MAGEB16: variants seen among roughly 807,000 people sequenced by gnomAD.
MAGEB16 encodes MAGE family member B16.
For missense variants in MAGEB16, 217 were observed against 234.0 expected, an observed-to-expected ratio of 0.93 and a Z score of 0.47; for synonymous variants, 95 against 92.1, an observed-to-expected ratio of 1.03 and a Z score of -0.18.
At chrX:35,800,612 T>C (rs1218772989) in intron 1 of MAGEB16, 1 of 524,749 alleles carries the variant, frequency 1.9e-6, no homozygotes, top group South Asian at 2.5e-5. Flanking sequence ...CCATCCCAGA[T>C]AATGAGGACA....
rs781434463 is a variant in MAGEB16, at chrX:35,802,361, T to C, written c.165T>C (p.Ala55=). Residue 55 remains alanine (A), a synonymous_variant, in exon 2 of 2, where the codon GCT becomes GCC. Transcript: ENST00000399988. ...CTGGCAAACTGAAGGAAGCTCCTGC[T>C]GCTAAGGCAGAGAGTCCTCTTGAGG... 3.3e-6 allele frequency: 4 copies of C among 1,209,235 alleles called. No individual in the cohort carries two copies. In the South Asian group the frequency reaches 5.3e-5, roughly 16 times the overall value.
exon 2 of MAGEB16, chrX:35,803,396 A>G (rs1934884990): frequency 1.5e-5 from 5 of 327,118 alleles, no homozygotes; most frequent in Non-Finnish European, 2.7e-5. Context: ...TTTATTTTTT[A>G]ATGGCTATAT....
exon 2 of MAGEB16, chrX:35,803,020 T>G: frequency 8.3e-7 from 1 of 1,211,898 alleles, no homozygotes; most frequent in Non-Finnish European, 1.1e-6. Context: ...CGATATGAAT[T>G]CCTGTGGGGC....
At chrX:35,802,579 G>C (rs1410962) in exon 2 of MAGEB16, 1 of 1,207,904 alleles carries the variant, frequency 8.3e-7, no homozygotes, top group African/African-American at 1.8e-5. Flanking sequence ...CTGCACAAGT[G>C]TCAGATGAAA....
exon 2 of MAGEB16, chrX:35,802,979 G>C (rs1204721716): frequency 8.3e-7 from 1 of 1,211,805 alleles, no homozygotes; most frequent in Non-Finnish European, 1.1e-6. Context: ...AGTACCTGGA[G>C]TACCAGCAGG....
chrX:35,802,783 G>A, exon 2 of MAGEB16: 1 of 1,211,494 alleles, frequency 8.3e-7, no homozygotes, highest in Non-Finnish European at 1.1e-6. Flanking sequence ...ATGCTGAGTG[G>A]TGAAAAGGGT....
At chrX:35,803,305 A>C in exon 2 of MAGEB16, 1 of 671,154 alleles carries the variant, frequency 1.5e-6, no homozygotes, top group South Asian at 4.5e-5. Context: ...TCAAGGATGC[A>C]GGTCCAGGGT....
In MAGEB16 at chrX:35,802,132, C is replaced by G. The variant is rs760913314; in HGVS notation, c.-65C>G. ...TTACACCCTTTCTCTCTCCCTTAGG[C>G]AGTGATTCTTCATTGCCTGCCCTCC... is the stretch of plus-strand genomic sequence containing the variant. On this transcript the variant is annotated splice_region_variant and 5_prime_UTR_variant, in exon 2 of 2. Transcript: ENST00000399988. 1.3e-5 allele frequency: 15 copies of G among 1,181,695 alleles called. No homozygotes were observed. The Admixed American group carries it at 3.4e-4, about 26-fold the overall frequency.
chrX:35,803,389 AT>A (rs60551936), exon 2 of MAGEB16: 7 of 333,030 alleles, frequency 2.1e-5, no homozygotes, highest in Non-Finnish European at 3.8e-5. Context: ...TTATTCTTTT[AT>A]TTTTTAATGG....
At chrX:35,802,725 A>G in exon 2 of MAGEB16, 2 of 1,210,925 alleles carry the variant, frequency 1.7e-6, no homozygotes, top group Non-Finnish European at 2.2e-6. Flanking sequence ...GGACCCCACC[A>G]CCCATTGCTA....
chrX:35,802,186 C>T (rs1309488547), exon 2 of MAGEB16: 2 of 1,209,065 alleles, frequency 1.7e-6, no homozygotes, highest in East Asian at 5.9e-5. Context: ...CTGCCACCCA[C>T]AAGGGTCATC....
intron 1 of MAGEB16, chrX:35,798,781 G>A (rs1280640057): frequency 9.0e-6 from 1 of 111,707 alleles, no homozygotes; most frequent in Non-Finnish European, 1.9e-5. Context: ...TCTGAAGGAG[G>A]TGAAGCTTTA....
intron 1 of MAGEB16, chrX:35,798,771 T>G (rs1312868652): frequency 9.0e-6 from 1 of 111,027 alleles, no homozygotes; most frequent in Non-Finnish European, 1.9e-5. Flanking sequence ...GCCTGCGGAG[T>G]CTGAAGGAGG....
intron 1 of MAGEB16, among the ~76,000 whole-genome samples, chrX:35,800,124 C>T (rs987356913): frequency 1.9e-4 from 21 of 111,037 alleles, no homozygotes; most frequent in Non-Finnish European, 3.6e-4. Context: ...TTGGTAGTCA[C>T]TGAGGGGTGA....
exon 2 of MAGEB16, chrX:35,802,677 C>T (rs771540022): frequency 3.3e-5 from 40 of 1,209,298 alleles, no homozygotes; most frequent in Middle Eastern, 4.6e-4. Context: ...AGCTTCTGAG[C>T]ACCTAGAGAT....
chrX:35,803,217 A>C (rs780577349), exon 2 of MAGEB16: 1 of 1,085,576 alleles, frequency 9.2e-7, no homozygotes, highest in Non-Finnish European at 1.2e-6. Context: ...TTCCAGTGCT[A>C]TGTCTGGTAG....
exon 2 of MAGEB16, chrX:35,802,763 C>T (rs757075628): frequency 1.7e-6 from 2 of 1,211,449 alleles, no homozygotes; most frequent in South Asian, 1.8e-5. Context: ...TGGGCCTCAC[C>T]TATGATGGGA....
At chrX:35,799,525 G>C (rs987957137) in intron 1 of MAGEB16, among the ~76,000 whole-genome samples, 8 of 111,872 alleles carry the variant, frequency 7.2e-5, no homozygotes, top group African/African-American at 2.6e-4. Context: ...TCTTAGGGAA[G>C]TGAAGGTTTT....
chrX:35,800,735 G>T (rs12012176), intron 1 of MAGEB16, among the ~76,000 whole-genome samples: 5,936 of 110,742 alleles, frequency 0.054, 416 homozygotes, highest in African/African-American at 0.19. Flanking sequence ...CAAAGGTTTT[G>T]GTCTAAGGAA....
Sources: allele counts gnomAD v4.1 joint callset (sites outside exome capture counted in the v4.1 genomes callset), GRCh38; gene constraint gnomAD v4.1.1; transcripts MANE v1.5; gene names NCBI Gene and HGNC (gene_info 2026-07-23, HGNC 2026-07-21).